The following ZNF512 variants were observed in gnomAD, a reference collection of about 807,000 sequenced individuals.
ZNF512 encodes the protein zinc finger protein 512.
Under a neutral mutation model 77.5 loss-of-function variants are expected in ZNF512, and 25 were observed. The ratio of observed to expected loss-of-function variants is 0.32; its 90% confidence interval spans 0.23 to 0.45. The LOEUF (loss-of-function observed/expected upper bound fraction) is 0.45. Among genes scored for constraint, ZNF512 ranks in the 20% least tolerant of loss-of-function variants. The pLI is 1.00. For missense variants in ZNF512, 483 were observed against 692.6 expected (o/e 0.70, Z 3.40); for synonymous variants, 246 against 239.9 (o/e 1.03, Z -0.24).
intron 10 of ZNF512, among the ~76,000 whole-genome samples, chr2:27,609,145 T>C (rs911338327): frequency 1.7e-4 from 25 of 149,882 alleles, no homozygotes; most frequent in African/African-American, 6.1e-4. Context: ...GAAAAGAAGG[T>C]CAAACCCTAG....
intron 2 of ZNF512, among the ~76,000 whole-genome samples, chr2:27,590,664 C>T (rs1049503094): frequency 5.9e-5 from 9 of 151,946 alleles, no homozygotes; most frequent in Non-Finnish European, 1.3e-4. Context: ...TTAGTGTCTG[C>T]CCCTACTCTT....
At chr2:27,599,107 A>ATT (rs1246248454) in intron 3 of ZNF512, among the ~76,000 whole-genome samples, 5 of 151,770 alleles carry the variant, frequency 3.3e-5, no homozygotes, top group Non-Finnish European at 7.4e-5. Flanking sequence ...AAAGTCTGTA[A>ATT]TCTCAAAGTG....
chr2:27,603,351 C>G, intron 9 of ZNF512, 44 bp downstream of exon 9: 1 of 1,601,240 alleles, frequency 6.2e-7, no homozygotes, highest in Non-Finnish European at 8.5e-7. Flanking sequence ...GGATGTATTT[C>G]GTGGTGAGTC....
chr2:27,609,517 C>T (rs1307870325), intron 10 of ZNF512, among the ~76,000 whole-genome samples: 2 of 151,944 alleles, frequency 1.3e-5, no homozygotes, highest in Non-Finnish European at 2.9e-5. Context: ...AACACGAGGT[C>T]AGGAGTTCGA....
At position 27,598,151 on chromosome 2, in the gene ZNF512, A is replaced by G. The variant is rs550135783; in HGVS notation, c.174A>G (p.Ala58=). The G allele has an allele frequency of 6.2e-7, 1 of 1,614,156 alleles. No homozygotes were observed. Among genetic ancestry groups the G allele is most frequent in the African/African-American group, 1.3e-5 (1 of 75,066 alleles). Residue 58 remains alanine (A), a synonymous_variant, in exon 3 of 14, where the codon GCA becomes GCG. Coordinates refer to ENST00000355467, the MANE Select transcript of ZNF512 (RefSeq NM_032434.4). ...ACTCCTTAAGTGGTTCATCGTCTGCATCTTCGTGTGAACCAGTGAGTGATT... is the reference window on the plus strand; with the variant it reads ...ACTCCTTAAGTGGTTCATCGTCTGCGTCTTCGTGTGAACCAGTGAGTGATT... ...HDDSLSGSSS[A]SSCEPVSDFP...
chr2:27,605,806 A>G (rs1672329221), intron 9 of ZNF512, among the ~76,000 whole-genome samples: 1 of 152,156 alleles, frequency 6.6e-6, no homozygotes, highest in South Asian at 2.1e-4. Context: ...ATAAATTTTA[A>G]TTTCCCTTGG....
intron 10 of ZNF512, among the ~76,000 whole-genome samples, chr2:27,609,263 A>G (rs1672504301): frequency 6.6e-6 from 1 of 152,156 alleles, no homozygotes; most frequent in Non-Finnish European, 1.5e-5. Flanking sequence ...ATTTTTGAAT[A>G]TTAGAGTATA....
chr2:27,608,919 G>C lies in ZNF512; in HGVS notation c.1131+880G>C, dbSNP rs575875519. 7.9e-5 allele frequency among the ~76,000 whole-genome samples: 12 copies of C among 152,018 alleles called. No homozygotes were observed. The South Asian group carries it at 2.5e-3, about 32-fold the overall frequency. ...AGGTCAAGAGATCGAGACCATCCTG[G>C]CCAACATGGTGAAACCCCCTCTCTA... On this transcript the variant is annotated intron_variant, in intron 10 of 13. Coordinates refer to ENST00000355467, the MANE Select transcript of ZNF512 (RefSeq NM_032434.4).
intron 9 of ZNF512, among the ~76,000 whole-genome samples, chr2:27,604,036 C>G (rs947389804): frequency 6.6e-6 from 1 of 152,134 alleles, no homozygotes; most frequent in African/African-American, 2.4e-5. Context: ...AAGCAATTCT[C>G]CTACTTCAGC....
chr2:27,586,793 CA>C (rs751297181), intron 2 of ZNF512, among the ~76,000 whole-genome samples: 17 of 152,170 alleles, frequency 1.1e-4, no homozygotes, highest in Non-Finnish European at 1.9e-4. Context: ...CCACGGGCAC[CA>C]CTGTACAGTG....
intron 13 of ZNF512, among the ~76,000 whole-genome samples, chr2:27,619,000 TG>T (rs1174910710): frequency 6.6e-6 from 1 of 152,250 alleles, no homozygotes; most frequent in Non-Finnish European, 1.5e-5. Flanking sequence ...TGGTTTCTGT[TG>T]CTTTACTGGC....
rs1252275065 is a variant in ZNF512, at chr2:27,617,460, C to T, written c.1297-13C>T. ...TTACCAGTAATTCTTTTTTGTTTCT[C>T]TCTTGGAAATAGGGAAACTTTGTGG... On this transcript the variant is annotated splice_polypyrimidine_tract_variant and intron_variant, in intron 12 of 13. Coordinates refer to ENST00000355467, the MANE Select transcript of ZNF512 (RefSeq NM_032434.4). 8.8e-7 allele frequency: 1 copy of T among 1,142,742 alleles called. No homozygotes were observed. Among genetic ancestry groups the T allele is most frequent in the Non-Finnish European group, 1.3e-6 (1 of 750,310 alleles). 70.8% of individuals were successfully genotyped at this position (1,142,742 alleles called of 1,614,324 possible).
chr2:27,601,343 T>C lies in ZNF512; in HGVS notation c.583-13T>C. 1 of 1,608,800 alleles carries C rather than the reference T, an allele frequency of 6.2e-7. No individual in the cohort carries two copies. The highest frequency in any genetic ancestry group is 8.5e-7 in the Non-Finnish European group (1 of 1,175,420). On this transcript the variant is annotated splice_polypyrimidine_tract_variant and intron_variant, in intron 6 of 13. Coordinates refer to ENST00000355467, the MANE Select transcript of ZNF512 (RefSeq NM_032434.4). ...TGGAACAACCTAGCACTGAGCAGTATTTTTCCTTCTAGGAAATGTTTACTT... is the reference window on the plus strand; with the variant it reads ...TGGAACAACCTAGCACTGAGCAGTACTTTTCCTTCTAGGAAATGTTTACTT...
chr2:27,583,339 C>A, intron 1 of ZNF512, 197 bp downstream of exon 1: 1 of 1,280,364 alleles, frequency 7.8e-7, no homozygotes, highest in Admixed American at 2.5e-5. Context: ...GGATTTAATT[C>A]CTCGCCACAT....
intron 2 of ZNF512, among the ~76,000 whole-genome samples, chr2:27,595,761 CTTTT>C (rs1671839042): frequency 6.6e-6 from 1 of 152,086 alleles, no homozygotes; most frequent in Non-Finnish European, 1.5e-5. Context: ...TCATTTGGTT[CTTTT>C]TTATGGTTTC....
chr2:27,600,955 A>C, intron 6 of ZNF512, 140 bp downstream of exon 6: 1 of 1,185,272 alleles, frequency 8.4e-7, no homozygotes. Context: ...TGGATCTGAC[A>C]GAGTTAGGTT....
chr2:27,594,214 G>A (rs1417689989), intron 2 of ZNF512, among the ~76,000 whole-genome samples: 17 of 118,422 alleles, frequency 1.4e-4, no homozygotes, highest in East Asian at 5.5e-4. Context: ...CTCACCTCCC[G>A]GACAGGGCGG....
At chr2:27,605,722 T>C (rs1672326467) in intron 9 of ZNF512, among the ~76,000 whole-genome samples, 1 of 152,118 alleles carries the variant, frequency 6.6e-6, no homozygotes, top group African/African-American at 2.4e-5. Context: ...GTGATCTGCC[T>C]GCTTTGGCCT....
At position 27,621,629 on chromosome 2, in the gene ZNF512, A is replaced by AT. The variant is rs1263767542; in HGVS notation, c.*170dup. ...CACTGTCTTCCCTTCTTACATTTTG[A>AT]TTCCCCCCTCCCCTTTTAGTAGGTT... is the stretch of plus-strand genomic sequence containing the variant. On this transcript the variant is annotated 3_prime_UTR_variant, in exon 14 of 14. Transcript: ENST00000355467. The AT allele has an allele frequency of 1.2e-5, 8 of 689,288 alleles. No individual in the cohort carries two copies. The highest frequency in any genetic ancestry group is 1.9e-5 in the Non-Finnish European group (8 of 431,946). 42.7% of individuals were successfully genotyped at this position (689,288 alleles called of 1,614,324 possible).
Sources: allele counts gnomAD v4.1 joint callset (sites outside exome capture counted in the v4.1 genomes callset), GRCh38; gene constraint gnomAD v4.1.1; transcripts MANE v1.5; gene names NCBI Gene and HGNC (gene_info 2026-07-23, HGNC 2026-07-21).